Variants in CDKAL1 observed in about 807,000 individuals in gnomAD.
CDKAL1 encodes the protein CDKAL1 threonylcarbamoyladenosine tRNA methylthiotransferase.
Under a neutral mutation model 68.2 loss-of-function variants are expected in CDKAL1, and 32 were observed. That is an observed-to-expected ratio of 0.47 (90% CI 0.35 to 0.63). The LOEUF is 0.63. CDKAL1 is among the 30% of genes least tolerant of loss of function. The pLI is 0.00. For synonymous variants in CDKAL1, 234 were observed against 244.3 expected (o/e 0.96, Z 0.39); for missense variants, 606 against 696.7 (o/e 0.87, Z 1.47).
At chr6:21,149,851 G>C (rs555620026) in intron 13 of CDKAL1, among the ~76,000 whole-genome samples, 1 of 152,058 alleles carries the variant, frequency 6.6e-6, no homozygotes, top group Admixed American at 6.6e-5. Flanking sequence ...TGAATGTCCC[G>C]AACATTTATT....
chr6:21,040,951 G>A (rs1479418193), intron 11 of CDKAL1, among the ~76,000 whole-genome samples: 1 of 152,226 alleles, frequency 6.6e-6, no homozygotes, highest in South Asian at 2.1e-4. Context: ...TAAGCCCTCC[G>A]GGAGGGACCA....
intron 9 of CDKAL1, among the ~76,000 whole-genome samples, chr6:20,928,642 A>G (rs1763285850): frequency 6.6e-6 from 1 of 151,620 alleles, no homozygotes; most frequent in African/African-American, 2.4e-5. Context: ...TACAATTAAA[A>G]TCGTTTATTC....
At chr6:20,669,145 T>G (rs1347457710) in intron 5 of CDKAL1, among the ~76,000 whole-genome samples, 1 of 152,178 alleles carries the variant, frequency 6.6e-6, no homozygotes, top group Admixed American at 6.5e-5. Flanking sequence ...TAATAGATAT[T>G]TTGGGATTCT....
At chr6:21,200,610 A>C (rs1582405424) in intron 14 of CDKAL1, among the ~76,000 whole-genome samples, 1 of 152,192 alleles carries the variant, frequency 6.6e-6, no homozygotes, top group South Asian at 2.1e-4. Flanking sequence ...GGTTTTCCTC[A>C]TTGCATGGAA....
At chr6:21,224,491 G>GTGAC (rs1383753951) in intron 15 of CDKAL1, among the ~76,000 whole-genome samples, 2 of 152,156 alleles carry the variant, frequency 1.3e-5, no homozygotes, top group African/African-American at 4.8e-5. Flanking sequence ...TCCAGCCTGG[G>GTGAC]TGACAGAGTG....
chr6:20,849,582 CAAAAA>C (rs35879846), intron 9 of CDKAL1, among the ~76,000 whole-genome samples: 1 of 105,748 alleles, frequency 9.5e-6, no homozygotes, highest in Non-Finnish European at 2.0e-5. Context: ...GACTCCGTCT[CAAAAA>C]AAAAAAAAAA....
chr6:20,951,957 CTTTTT>C (rs10558500), intron 9 of CDKAL1, among the ~76,000 whole-genome samples: 3 of 91,814 alleles, frequency 3.3e-5, no homozygotes, highest in Non-Finnish European at 4.4e-5. Context: ...TTTTCATTTT[CTTTTT>C]TTTTTTTTTT....
chr6:21,046,739 C>T (rs566437347), intron 11 of CDKAL1, among the ~76,000 whole-genome samples: 1 of 152,356 alleles, frequency 6.6e-6, no homozygotes, highest in South Asian at 2.1e-4. Context: ...GGAAAGGGCT[C>T]TTGGCCACCT....
At chr6:20,723,601 G>A in intron 5 of CDKAL1, 1 of 200,840 alleles carries the variant, frequency 5.0e-6, no homozygotes, top group Non-Finnish European at 1.1e-5. Context: ...TTGTAGGGTT[G>A]GTGCTTGCCA....
At chr6:20,803,862 C>T (rs764767780) in intron 8 of CDKAL1, among the ~76,000 whole-genome samples, 2 of 151,976 alleles carry the variant, frequency 1.3e-5, no homozygotes, top group South Asian at 2.1e-4. Context: ...AGTAAGTTTC[C>T]GGAGCATATG....
At position 20,931,233 on chromosome 6, in the gene CDKAL1, A is replaced by G. The variant is rs192593154; in HGVS notation, c.743-24186A>G. On this transcript the variant is annotated intron_variant, in intron 9 of 15. Transcript: ENST00000274695. ...AATGATATATATGCAATAGTTTTCT[A>G]GTTATAATTCATCTTTAAAGTCACT... Among the ~76,000 whole-genome samples the G allele has an allele frequency of 5.3e-4, 80 of 152,350 alleles. 1 individual carries two copies. Among genetic ancestry groups the G allele is most frequent in the African/African-American group, 1.8e-3 (73 of 41,584 alleles).
At chr6:20,877,951 G>A (rs568215768) in intron 9 of CDKAL1, among the ~76,000 whole-genome samples, 2 of 152,236 alleles carry the variant, frequency 1.3e-5, no homozygotes, top group East Asian at 1.9e-4. Flanking sequence ...TTCCGTATGT[G>A]TCTCAAGCTT....
chr6:20,976,630 T>C (rs1765859532), intron 10 of CDKAL1, among the ~76,000 whole-genome samples: 1 of 152,250 alleles, frequency 6.6e-6, no homozygotes, highest in Non-Finnish European at 1.5e-5. Context: ...AGAGCATTTC[T>C]AGAATCTCAT....
In CDKAL1 at chr6:21,063,051, A is replaced by T. The variant is rs866299837; in HGVS notation, c.1056-1997A>T. On this transcript the variant is annotated intron_variant, in intron 11 of 15. Coordinates refer to ENST00000274695, the MANE Select transcript of CDKAL1 (RefSeq NM_017774.3). ...TGCCTCAGCCACCCGAAGAGCTGGGATTACAGGCACCTGCCACCACACCCA... is the reference window on the plus strand; with the variant it reads ...TGCCTCAGCCACCCGAAGAGCTGGGTTTACAGGCACCTGCCACCACACCCA... Among the ~76,000 whole-genome samples, 8 of 152,118 alleles carry T rather than the reference A, an allele frequency of 5.3e-5. No homozygotes were observed. In the South Asian group the frequency reaches 6.2e-4, roughly 12 times the overall value.
At chr6:20,860,449 G>A (rs978800803) in intron 9 of CDKAL1, among the ~76,000 whole-genome samples, 1 of 152,188 alleles carries the variant, frequency 6.6e-6, no homozygotes, top group Non-Finnish European at 1.5e-5. Context: ...TCTGTTCTGA[G>A]AAGTAAGTGA....
At chr6:20,773,617 G>A (rs1048351341) in intron 7 of CDKAL1, among the ~76,000 whole-genome samples, 7 of 151,812 alleles carry the variant, frequency 4.6e-5, no homozygotes, top group Non-Finnish European at 7.4e-5. Context: ...GCGCGATCTC[G>A]GCTCACTGCA....
rs1764726164 is a variant in CDKAL1 at position 20,955,324 on chromosome 6, G to A, written c.743-95G>A. On this transcript the variant is annotated intron_variant, in intron 9 of 15. Transcript: ENST00000274695. ...GAATACCCAGACTGCCTGAATAATA[G>A]TGTTGAGAAATACTGCATTAAAAAC... The A allele has an allele frequency of 2.4e-6, 3 of 1,238,448 alleles. No homozygotes were observed. The African/African-American group carries it at 4.4e-5, about 18-fold the overall frequency. 76.7% of individuals were successfully genotyped at this position (1,238,448 alleles called of 1,614,324 possible).
At chr6:21,128,359 T>C (rs1003914687) in intron 13 of CDKAL1, among the ~76,000 whole-genome samples, 2 of 152,240 alleles carry the variant, frequency 1.3e-5, no homozygotes, top group Non-Finnish European at 1.5e-5. Flanking sequence ...TAAAATATTT[T>C]CAACTTATGA....
In CDKAL1 at chr6:20,557,096, A is replaced by G. The variant is rs193154689; in HGVS notation, c.286+8391A>G. Among the ~76,000 whole-genome samples the G allele has an allele frequency of 6.8e-4, 103 of 151,290 alleles. 3 individuals are homozygous for G. The highest frequency in any genetic ancestry group is 2.3e-3 in the African/African-American group (97 of 41,460). On this transcript the variant is annotated intron_variant, in intron 4 of 15. Coordinates refer to ENST00000274695, the MANE Select transcript of CDKAL1 (RefSeq NM_017774.3). ...AAATAAATAAATAAATGAAAAATAA[A>G]TAAATACATAAATAAATAAAAATCC...
Sources: gnomAD v4.1 joint callset for allele counts (sites outside exome capture counted in the v4.1 genomes callset) on GRCh38, gnomAD v4.1.1 for gene constraint, MANE v1.5 for transcripts, NCBI Gene and HGNC (gene_info 2026-07-23, HGNC 2026-07-21) for gene names.